The following SH2B2 variants were observed in gnomAD, a reference collection of about 807,000 sequenced individuals.
SH2B2 encodes the protein SH2B adapter protein 2.
In SH2B2, 37 loss-of-function variants were observed where a neutral mutation model predicts 35.7. That is an observed-to-expected ratio of 1.04 (90% CI 0.80 to 1.36). SH2B2 has a LOEUF of 1.36. Ranked by LOEUF, SH2B2 falls within the 40% of genes most tolerant of loss-of-function variation. The pLI is 0.00. For synonymous variants in SH2B2, 383 were observed against 376.4 expected, an observed-to-expected ratio of 1.02 and a Z score of -0.20; for missense variants, 852 against 817.7, an observed-to-expected ratio of 1.04 and a Z score of -0.51.
At chr7:102,313,606 A>G (rs1465942861) in intron 4 of SH2B2, among the ~76,000 whole-genome samples, 1 of 151,940 alleles carries the variant, frequency 6.6e-6, no homozygotes, top group Non-Finnish European at 1.5e-5. Flanking sequence ...CTTTATGACA[A>G]GTTTTTACAT....
rs782472704 is a variant in SH2B2 at position 102,320,375 on chromosome 7, G to C, written c.1440G>C (p.Gln480His). ...SLNGHGQCHV[Q>H]HLWFQSVLDM... ...ACGGCCACGGCCAGTGTCACGTACA[G>C]CATCTGTGGTTCCAGTCTGTGCTTG... Residue 480 changes from glutamine (Q) to histidine (H), a missense_variant, in exon 8 of 9, where the codon CAG becomes CAC. Transcript: ENST00000444095. The C allele has an allele frequency of 5.6e-6, 9 of 1,613,142 alleles. No individual in the cohort carries two copies. In the Admixed American group the frequency reaches 8.3e-5, roughly 15 times the overall value.
At chr7:102,318,160 A>G (rs1290121834) in intron 7 of SH2B2, among the ~76,000 whole-genome samples, 4 of 151,874 alleles carry the variant, frequency 2.6e-5, no homozygotes, top group Non-Finnish European at 4.4e-5. Flanking sequence ...TTTTTTTTTG[A>G]GACAGTCTCG....
At position 102,301,222 on chromosome 7, in the gene SH2B2, C is replaced by T. The variant is rs782101259; in HGVS notation, c.672C>T (p.Leu224=). The T allele has an allele frequency of 2.4e-5, 39 of 1,599,144 alleles. No individual in the cohort carries two copies. The highest frequency in any genetic ancestry group is 3.4e-5 in the South Asian group (3 of 89,312). ...GSAQWQKCRL[L]LRRAVAEERF... ...CTCAGTGGCAGAAGTGCCGCCTGCT[C>T]CTGCGCAGGGCTGTGGCCGAGGAAC... is the stretch of plus-strand genomic sequence containing the variant. The change falls in exon 2 of 9, where the codon CTC becomes CTT. Residue 224 remains leucine, a synonymous_variant. Transcript: ENST00000444095.
intron 7 of SH2B2, among the ~76,000 whole-genome samples, chr7:102,319,580 C>T (rs148692212): frequency 7.9e-5 from 12 of 152,176 alleles, no homozygotes; most frequent in South Asian, 6.2e-4. Flanking sequence ...CCAGCTCCCC[C>T]TCCTGGGCTT....
chr7:102,316,963 C>G (rs539911287), intron 6 of SH2B2: 20 of 441,406 alleles, frequency 4.5e-5, no homozygotes, highest in Middle Eastern at 3.2e-4. Context: ...AGGTTACAGT[C>G]AGCCACCGGG....
chr7:102,291,221 C>T (rs527864993), intron 1 of SH2B2, among the ~76,000 whole-genome samples: 2 of 152,338 alleles, frequency 1.3e-5, no homozygotes, highest in South Asian at 4.1e-4. Flanking sequence ...GCCAGCAGGG[C>T]TTGTCAAGCT....
intron 3 of SH2B2, 61 bp from the exon 4 acceptor site, chr7:102,308,754 C>A: frequency 8.1e-7 from 1 of 1,236,036 alleles, no homozygotes; most frequent in Non-Finnish European, 1.2e-6. Context: ...GACCCTATGT[C>A]CTGTGGTCTG....
chr7:102,311,944 G>T (rs1793639006), intron 4 of SH2B2, among the ~76,000 whole-genome samples: 1 of 151,646 alleles, frequency 6.6e-6, no homozygotes, highest in African/African-American at 2.4e-5. Context: ...GGAGGTGGAG[G>T]CGGGCCCGCT....
In SH2B2 at chr7:102,314,533, C is replaced by T. The variant is rs1024336821; in HGVS notation, c.1037C>T (p.Pro346Leu). The T allele has an allele frequency of 2.5e-6, 1 of 398,802 alleles. No homozygotes were observed. The highest frequency in any genetic ancestry group is 3.6e-5 in the East Asian group (1 of 28,082). The allele number at this position is 398,802 out of a possible 1,614,324, so 24.7% of individuals were successfully genotyped here. The change falls in exon 6 of 9, where the codon CCA (proline) becomes CTA (leucine). Residue 346 changes from proline to leucine, a missense_variant. Pro to Leu is a moderately conservative substitution (Grantham distance 98). Around this residue, in one of 3 missense-constraint regions of SH2B2, gnomAD observed 556 missense variants for 514.5 expected, o/e 1.08. Coordinates refer to ENST00000444095, the MANE Select transcript of SH2B2 (RefSeq NM_001359228.2). ...LTDAVDLPRP[P>L]ETTAVGAVVT... ...CCAGCAGTCGACCTGCCCCGCCCCC[C>T]AGAGACGACAGCCGTGGGTGCAGTG...
upstream of SH2B2, among the ~76,000 whole-genome samples, chr7:102,286,495 TC>T (rs1792449617): frequency 6.6e-6 from 1 of 151,858 alleles, no homozygotes; most frequent in South Asian, 2.1e-4. Flanking sequence ...CGCTCCGCGC[TC>T]CCGGGGCCAC....
In SH2B2 at chr7:102,300,688, G is replaced by A. The variant is rs782425888; in HGVS notation, c.138G>A (p.Leu46=). Reference sequence around the variant, plus strand: ...TTGCGCACAAGTTCTGCCGTTTCCTGCGGGACAACCCAGCTTACGACACGC... The same window carrying A: ...TTGCGCACAAGTTCTGCCGTTTCCTACGGGACAACCCAGCTTACGACACGC... ...VDFAHKFCRF[L]RDNPAYDTPD... Residue 46 remains leucine, a synonymous_variant, in exon 2 of 9, where the codon CTG becomes CTA. Transcript: ENST00000444095. The A allele has an allele frequency of 1.3e-6, 2 of 1,546,756 alleles. No homozygotes were observed. The highest frequency in any genetic ancestry group is 1.7e-6 in the Non-Finnish European group (2 of 1,143,722).
chr7:102,310,639 G>T (rs1554555865), intron 4 of SH2B2, among the ~76,000 whole-genome samples: 6 of 152,186 alleles, frequency 3.9e-5, no homozygotes, highest in African/African-American at 1.4e-4. Flanking sequence ...GCCCCGGGGG[G>T]AAGGGCCGCT....
chr7:102,294,539 G>C (rs1554552285), intron 1 of SH2B2, among the ~76,000 whole-genome samples: 1 of 152,164 alleles, frequency 6.6e-6, no homozygotes, highest in African/African-American at 2.4e-5. Context: ...AGAAGAGTGG[G>C]CTCAGAGGTT....
intron 2 of SH2B2, among the ~76,000 whole-genome samples, chr7:102,302,403 G>T (rs1554554120): frequency 6.6e-6 from 1 of 152,250 alleles, no homozygotes; most frequent in Admixed American, 6.5e-5. Flanking sequence ...TGGCCAGGGG[G>T]ATGCCAGGCT....
At chr7:102,313,009 A>G (rs1048585626) in intron 4 of SH2B2, among the ~76,000 whole-genome samples, 15 of 151,790 alleles carry the variant, frequency 9.9e-5, no homozygotes, top group African/African-American at 3.4e-4. Flanking sequence ...CATGCCTGTA[A>G]TATCAGCTAC....
intron 1 of SH2B2, among the ~76,000 whole-genome samples, chr7:102,288,960 G>A (rs1554551314): frequency 1.3e-5 from 2 of 152,214 alleles, no homozygotes; most frequent in Non-Finnish European, 2.9e-5. Flanking sequence ...TCTTCCCGGG[G>A]CTACGCTCAT....
chr7:102,319,610 C>G (rs994323283), intron 7 of SH2B2, among the ~76,000 whole-genome samples: 6 of 151,486 alleles, frequency 4.0e-5, no homozygotes, highest in African/African-American at 1.2e-4. Context: ...CGTGTACCCT[C>G]AAACCACTCC....
intron 2 of SH2B2, among the ~76,000 whole-genome samples, chr7:102,306,173 G>A (rs1024043193): frequency 2.0e-5 from 3 of 151,838 alleles, no homozygotes; most frequent in African/African-American, 2.4e-5. Flanking sequence ...CGCAACCTCC[G>A]CCTCCTGGGT....
chr7:102,311,130 A>G (rs4729780), intron 4 of SH2B2, among the ~76,000 whole-genome samples: 53,799 of 152,044 alleles, frequency 0.35, 9,546 homozygotes, highest in Middle Eastern at 0.42. Flanking sequence ...TTGCTCTGTC[A>G]CCCAGGCTGG....
Sources: allele counts gnomAD v4.1 joint callset (sites outside exome capture counted in the v4.1 genomes callset), GRCh38; gene constraint gnomAD v4.1.1; regional missense constraint gnomAD v4.1.1; transcripts MANE v1.5; gene names NCBI Gene and HGNC (gene_info 2026-07-23, HGNC 2026-07-21).